The following CNTN5 variants were observed in gnomAD, a reference collection of about 807,000 sequenced individuals.
CNTN5 encodes the protein contactin 5, also known as contactin-5.
CNTN5 carries 77 observed loss-of-function variants against 129.1 expected under a neutral mutation model. The observed-to-expected ratio is 0.60, with a 90% CI of 0.50 to 0.72. The LOEUF is 0.72. CNTN5 is among the 30% of genes least tolerant of loss of function. The pLI is 0.00. For synonymous variants in CNTN5, 509 were observed against 465.6 expected (o/e 1.09, Z -1.20); for missense variants, 1,478 against 1,328.8 (o/e 1.11, Z -1.75).
intron 2 of CNTN5, among the ~76,000 whole-genome samples, chr11:99,460,150 T>G (rs1014693738): frequency 6.6e-6 from 1 of 151,714 alleles, no homozygotes; most frequent in Non-Finnish European, 1.5e-5. Context: ...AACCAGGACA[T>G]GCAAACATCA....
chr11:99,388,438 T>C (rs1941049493), intron 2 of CNTN5, among the ~76,000 whole-genome samples: 1 of 129,510 alleles, frequency 7.7e-6, no homozygotes. Context: ...AAAACATGTT[T>C]TCACAGCTCC....
chr11:99,271,420 T>C (rs1863165493), intron 1 of CNTN5, among the ~76,000 whole-genome samples: 1 of 151,894 alleles, frequency 6.6e-6, no homozygotes, highest in African/African-American at 2.4e-5. Context: ...GAAATACACT[T>C]TGACAAAATT....
At chr11:100,224,470 T>C (rs533132870) in intron 15 of CNTN5, among the ~76,000 whole-genome samples, 21 of 152,290 alleles carry the variant, frequency 1.4e-4, no homozygotes, top group African/African-American at 5.1e-4. Flanking sequence ...TGCTAAATCA[T>C]TATATGCAAT....
chr11:99,992,719 C>T (rs1939192655), intron 8 of CNTN5, among the ~76,000 whole-genome samples: 1 of 152,090 alleles, frequency 6.6e-6, no homozygotes, highest in Non-Finnish European at 1.5e-5. Context: ...AATTACGTGC[C>T]ACTTAGGGAA....
At chr11:100,036,953 C>A (rs774087612) in intron 9 of CNTN5, among the ~76,000 whole-genome samples, 1 of 150,032 alleles carries the variant, frequency 6.7e-6, no homozygotes, top group Non-Finnish European at 1.5e-5. Flanking sequence ...AATTGAAGAC[C>A]CTTTATTCCC....
At chr11:100,347,826 A>G (rs557519411) in intron 23 of CNTN5, among the ~76,000 whole-genome samples, 50 of 152,226 alleles carry the variant, frequency 3.3e-4, no homozygotes, top group African/African-American at 1.2e-3. Context: ...GAAGATGCTC[A>G]GCAGAGGAAT....
intron 2 of CNTN5, among the ~76,000 whole-genome samples, chr11:99,530,492 C>G (rs932692249): frequency 3.3e-5 from 5 of 152,164 alleles, no homozygotes; most frequent in African/African-American, 1.2e-4. Context: ...AAAGATAAGC[C>G]AAACTTTCCA....
At chr11:99,585,905 GCAATGA>G (rs1555038103) in intron 3 of CNTN5, among the ~76,000 whole-genome samples, 2 of 152,108 alleles carry the variant, frequency 1.3e-5, no homozygotes, top group Non-Finnish European at 2.9e-5. Flanking sequence ...CAGGTGAATG[GCAATGA>G]CAAAGTCAGG....
intron 1 of CNTN5, among the ~76,000 whole-genome samples, chr11:99,122,658 G>A (rs1484613124): frequency 6.6e-6 from 1 of 151,982 alleles, no homozygotes; most frequent in Non-Finnish European, 1.5e-5. Flanking sequence ...AATAAGCATA[G>A]TACCTGATAG....
chr11:100,231,674 G>A (rs117519093), intron 16 of CNTN5, among the ~76,000 whole-genome samples: 35 of 152,272 alleles, frequency 2.3e-4, no homozygotes, highest in East Asian at 3.9e-4. Flanking sequence ...TCATGATCAC[G>A]TTTATATAAT....
At position 100,157,049 on chromosome 11, in the gene CNTN5, T is replaced by A. The variant is rs1947268334; in HGVS notation, c.1581-34077T>A. ...TCTTCTGCTAGCTTTTGAATTTGTT[T>A]GCTCTTGCTTCTCTTGTTCTTTTAA... On this transcript the variant is annotated intron_variant, in intron 13 of 24. Transcript: ENST00000524871. 2.0e-5 allele frequency among the ~76,000 whole-genome samples: 3 copies of A among 152,182 alleles called. No homozygotes were observed. In the South Asian group the frequency reaches 6.2e-4, roughly 32 times the overall value.
chr11:100,018,974 A>G (rs1004059155), intron 9 of CNTN5, among the ~76,000 whole-genome samples: 9 of 151,898 alleles, frequency 5.9e-5, no homozygotes, highest in African/African-American at 1.7e-4. Flanking sequence ...TAGCTTGCCA[A>G]TATTTTTGCC....
chr11:99,384,790 G>T (rs541420769), intron 2 of CNTN5, among the ~76,000 whole-genome samples: 1 of 152,116 alleles, frequency 6.6e-6, no homozygotes, highest in South Asian at 2.1e-4. Flanking sequence ...TGTATATATG[G>T]AATACAATGT....
intron 3 of CNTN5, among the ~76,000 whole-genome samples, chr11:99,642,365 G>A (rs538270174): frequency 4.6e-5 from 7 of 152,266 alleles, no homozygotes; most frequent in African/African-American, 1.7e-4. Flanking sequence ...TATCTTTCAA[G>A]TTGGATCTCT....
chr11:99,726,788 A>G (rs1393733243), intron 3 of CNTN5, among the ~76,000 whole-genome samples: 1 of 152,180 alleles, frequency 6.6e-6, no homozygotes, highest in African/African-American at 2.4e-5. Flanking sequence ...CCGGCAGGTC[A>G]TATAACCACT....
At chr11:99,135,317 G>A (rs1859163262) in intron 1 of CNTN5, among the ~76,000 whole-genome samples, 2 of 152,098 alleles carry the variant, frequency 1.3e-5, no homozygotes, top group African/African-American at 4.8e-5. Flanking sequence ...CATAAATAGA[G>A]GGATATGATA....
chr11:100,042,498 A>G (rs554600475), intron 9 of CNTN5, among the ~76,000 whole-genome samples: 4 of 152,280 alleles, frequency 2.6e-5, no homozygotes, highest in Non-Finnish European at 4.4e-5. Context: ...CAGACCTACA[A>G]TTTGTCTGTG....
At chr11:99,328,993 C>T (rs282495) in intron 2 of CNTN5, among the ~76,000 whole-genome samples, 152,150 of 152,180 alleles carry the variant, frequency 1, 76,060 homozygotes, top group Non-Finnish European at 1. Context: ...TAATCTGAGG[C>T]TGCATGAATT....
At chr11:99,805,134 C>T (rs577657003) in intron 3 of CNTN5, among the ~76,000 whole-genome samples, 38 of 152,190 alleles carry the variant, frequency 2.5e-4, no homozygotes, top group East Asian at 1.5e-3. Context: ...AGAATAAGTG[C>T]AGTATTTTGG....
Sources: allele counts gnomAD v4.1 joint callset (sites outside exome capture counted in the v4.1 genomes callset), GRCh38; gene constraint gnomAD v4.1.1; transcripts MANE v1.5; gene names NCBI Gene and HGNC (gene_info 2026-07-23, HGNC 2026-07-21).